NCAM2: variants seen among roughly 807,000 people sequenced by gnomAD.
NCAM2 encodes neural cell adhesion molecule 2.
NCAM2 carries 30 observed loss-of-function variants against 98.1 expected under a neutral mutation model. That is an observed-to-expected ratio of 0.31 (90% confidence interval 0.23 to 0.41). The LOEUF (loss-of-function observed/expected upper bound fraction) is 0.41. Ranked by LOEUF, NCAM2 falls within the 10% of genes least tolerant of loss-of-function variation. NCAM2 has a pLI of 1.00. For synonymous variants in NCAM2, 368 were observed against 342.4 expected, an observed-to-expected ratio of 1.07 and a Z score of -0.83; for missense variants, 867 against 1,005.8, an observed-to-expected ratio of 0.86 and a Z score of 1.87.
intron 10 of NCAM2, among the ~76,000 whole-genome samples, chr21:21,417,490 A>G (rs1288238548): frequency 6.6e-6 from 1 of 152,056 alleles, no homozygotes; most frequent in Non-Finnish European, 1.5e-5. Context: ...GCCTCCCATT[A>G]CTACAAAATC....
chr21:21,086,197 T>C (rs2146427273), intron 1 of NCAM2, among the ~76,000 whole-genome samples: 1 of 152,282 alleles, frequency 6.6e-6, no homozygotes, highest in Non-Finnish European at 1.5e-5. Flanking sequence ...ATCAGGAAGG[T>C]GATGTGTCAC....
intron 7 of NCAM2, 126 bp downstream of exon 7, chr21:21,335,791 G>GT (rs1310539032): frequency 4.6e-6 from 4 of 876,468 alleles, no homozygotes; most frequent in East Asian, 6.7e-5. Flanking sequence ...TCTGTAATAT[G>GT]TTTTTTAAAT....
intron 4 of NCAM2, among the ~76,000 whole-genome samples, chr21:21,287,962 A>C (rs2073159636): frequency 6.6e-6 from 1 of 151,926 alleles, no homozygotes; most frequent in Non-Finnish European, 1.5e-5. Flanking sequence ...TTAGACATAA[A>C]GTCCTTTCTT....
At chr21:21,492,356 C>A (rs1250945461) in intron 15 of NCAM2, among the ~76,000 whole-genome samples, 1 of 151,742 alleles carries the variant, frequency 6.6e-6, no homozygotes, top group African/African-American at 2.4e-5. Flanking sequence ...CAAAAAATCC[C>A]TATGTGTCAG....
chr21:21,263,617 G>C (rs972793326), intron 1 of NCAM2, among the ~76,000 whole-genome samples: 1 of 151,962 alleles, frequency 6.6e-6, no homozygotes, highest in Non-Finnish European at 1.5e-5. Flanking sequence ...TATACCACAA[G>C]AATATATAAC....
chr21:21,360,438 TCTGA>T (rs1246320860), intron 8 of NCAM2, among the ~76,000 whole-genome samples: 2 of 152,024 alleles, frequency 1.3e-5, no homozygotes, highest in Admixed American at 1.3e-4. Context: ...AAAGTTTTTG[TCTGA>T]CTATCTAAGT....
At chr21:21,356,093 A>C (rs2147967054) in intron 8 of NCAM2, among the ~76,000 whole-genome samples, 1 of 152,332 alleles carries the variant, frequency 6.6e-6, no homozygotes, top group East Asian at 1.9e-4. Context: ...TATTTTGCAG[A>C]CTAAAGTACC....
chr21:21,055,865 C>G (rs1356179461), intron 1 of NCAM2, among the ~76,000 whole-genome samples: 1 of 152,056 alleles, frequency 6.6e-6, no homozygotes, highest in Non-Finnish European at 1.5e-5. Context: ...AAATACAATG[C>G]TGGCATAATC....
intron 1 of NCAM2, among the ~76,000 whole-genome samples, chr21:21,258,808 C>T (rs757735411): frequency 2.6e-5 from 4 of 152,044 alleles, no homozygotes; most frequent in African/African-American, 4.8e-5. Context: ...CTGACTTTGG[C>T]AAGCACAGGC....
chr21:21,293,639 G>C (rs950164671), intron 5 of NCAM2, among the ~76,000 whole-genome samples: 1 of 145,720 alleles, frequency 6.9e-6, no homozygotes, highest in East Asian at 2.0e-4. Context: ...ATAAAGGATA[G>C]GTTTAAATAG....
intron 5 of NCAM2, among the ~76,000 whole-genome samples, chr21:21,316,533 C>CTTTTTT (rs34341259): frequency 3.6e-5 from 4 of 110,900 alleles, no homozygotes; most frequent in African/African-American, 7.0e-5. Flanking sequence ...ATCTTTTATT[C>CTTTTTT]TTTTTTTTTT....
chr21:21,349,936 G>A (rs1278829329), intron 8 of NCAM2, among the ~76,000 whole-genome samples: 2 of 152,116 alleles, frequency 1.3e-5, no homozygotes, highest in Non-Finnish European at 2.9e-5. Flanking sequence ...GTATAGTGAG[G>A]TGGGGCGTGG....
At chr21:21,230,151 T>G (rs1357217040) in intron 1 of NCAM2, among the ~76,000 whole-genome samples, 1 of 151,146 alleles carries the variant, frequency 6.6e-6, no homozygotes, top group Non-Finnish European at 1.5e-5. Flanking sequence ...AGTCCTGAAA[T>G]GCCATTTGTT....
chr21:21,180,646 A>T (rs1324204434), intron 1 of NCAM2, among the ~76,000 whole-genome samples: 1 of 152,182 alleles, frequency 6.6e-6, no homozygotes, highest in Non-Finnish European at 1.5e-5. Context: ...AGAAAATACT[A>T]TACATTAAAG....
intron 9 of NCAM2, among the ~76,000 whole-genome samples, chr21:21,409,202 C>T (rs990775288): frequency 6.6e-5 from 10 of 152,030 alleles, no homozygotes; most frequent in African/African-American, 2.4e-4. Flanking sequence ...CAATATTTGG[C>T]ATTTGATTTA....
chr21:21,229,502 A>T (rs1216046375), intron 1 of NCAM2, among the ~76,000 whole-genome samples: 1 of 151,554 alleles, frequency 6.6e-6, no homozygotes. Flanking sequence ...GCATACATAC[A>T]TTTATTTAAT....
intron 1 of NCAM2, among the ~76,000 whole-genome samples, chr21:21,123,938 C>A (rs964140677): frequency 3.0e-4 from 44 of 148,138 alleles, no homozygotes; most frequent in Non-Finnish European, 1.3e-4. Context: ...GCTCCACCTT[C>A]CGGATTCAAG....
At chr21:21,128,018 C>G (rs1250584933) in intron 1 of NCAM2, among the ~76,000 whole-genome samples, 2 of 152,052 alleles carry the variant, frequency 1.3e-5, no homozygotes, top group African/African-American at 4.8e-5. Context: ...TACTACCTAC[C>G]ATTTTCCCTT....
intron 1 of NCAM2, among the ~76,000 whole-genome samples, chr21:21,253,097 T>C (rs1374907755): frequency 6.6e-6 from 1 of 152,204 alleles, no homozygotes; most frequent in Admixed American, 6.6e-5. Flanking sequence ...AACTGCTTCT[T>C]CTAAAGTCCT....
Sources: allele counts gnomAD v4.1 joint callset (sites outside exome capture counted in the v4.1 genomes callset), GRCh38; gene constraint gnomAD v4.1.1; transcripts MANE v1.5; gene names NCBI Gene and HGNC (gene_info 2026-07-23, HGNC 2026-07-21).